Variants in GABRB1 observed in about 807,000 individuals in gnomAD.
GABRB1 encodes gamma-aminobutyric acid type A receptor subunit beta1.
GABRB1 carries 17 observed loss-of-function variants against 51.6 expected under a neutral mutation model. That is an observed-to-expected ratio of 0.33 (90% CI 0.23 to 0.49). The LOEUF (loss-of-function observed/expected upper bound fraction) is 0.49. GABRB1 is among the 20% of genes least tolerant of loss of function. The probability of loss-of-function intolerance (pLI) is 0.99; values close to 1 mark genes in which losing one functional copy is unlikely to be tolerated. For missense variants in GABRB1, 410 were observed against 600.6 expected, an observed-to-expected ratio of 0.68 and a Z score of 3.32; for synonymous variants, 247 against 218.9, an observed-to-expected ratio of 1.13 and a Z score of -1.14.
chr4:47,155,894 T>A, intron 3 of GABRB1, among the ~76,000 whole-genome samples: 1 of 137,102 alleles, frequency 7.3e-6, no homozygotes, highest in Admixed American at 7.8e-5. Context: ...AATCTTTTAC[T>A]CATACTAAAA....
intron 1 of GABRB1, among the ~76,000 whole-genome samples, chr4:47,023,214 G>A (rs1374597388): frequency 6.6e-6 from 1 of 151,918 alleles, no homozygotes; most frequent in Non-Finnish European, 1.5e-5. Flanking sequence ...GCTGGGATTC[G>A]TTAACGGATA....
At chr4:47,386,601 T>C (rs1727802442) in intron 5 of GABRB1, among the ~76,000 whole-genome samples, 1 of 152,172 alleles carries the variant, frequency 6.6e-6, no homozygotes, top group African/African-American at 2.4e-5. Context: ...GCAATATAGC[T>C]CCATTAGCAT....
At chr4:47,226,748 G>A (rs1720956013) in intron 4 of GABRB1, among the ~76,000 whole-genome samples, 1 of 152,078 alleles carries the variant, frequency 6.6e-6, no homozygotes, top group African/African-American at 2.4e-5. Context: ...TTTTCTGAGT[G>A]CCAGCAGTTG....
chr4:47,423,258 C>T (rs1476952023), intron 8 of GABRB1, among the ~76,000 whole-genome samples: 1 of 152,094 alleles, frequency 6.6e-6, no homozygotes, highest in Non-Finnish European at 1.5e-5. Flanking sequence ...TCTATATGTT[C>T]AGGTTTTCTG....
rs961417401 is a variant in GABRB1, at chr4:47,244,506, C to G, written c.462-75621C>G. On this transcript the variant is annotated intron_variant, in intron 4 of 8. Transcript: ENST00000295454. ...TGGTAGAATTCAGCTGTGAATCCAT[C>G]TGGTCCTGGACTTTTTTTGGTTGGT... Among the ~76,000 whole-genome samples, 23 of 152,292 alleles carry G rather than the reference C, an allele frequency of 1.5e-4. No homozygotes were observed. In the South Asian group the frequency reaches 2.1e-3, roughly 14 times the overall value.
intron 5 of GABRB1, among the ~76,000 whole-genome samples, chr4:47,335,219 C>T (rs1016380016): frequency 9.9e-5 from 15 of 152,032 alleles, no homozygotes; most frequent in Admixed American, 2.6e-4. Context: ...TCTGCAGTAA[C>T]GATAGGTTCT....
chr4:47,340,991 G>A (rs1181971469), intron 5 of GABRB1, among the ~76,000 whole-genome samples: 1 of 152,206 alleles, frequency 6.6e-6, no homozygotes, highest in Non-Finnish European at 1.5e-5. Flanking sequence ...ACACAGCCAG[G>A]GAGGATAACT....
rs559841474 is a variant in GABRB1 at position 47,101,152 on chromosome 4, CAT to C, written c.241-60096_241-60095del. On this transcript the variant is annotated intron_variant, in intron 3 of 8. Transcript: ENST00000295454. ...TTAGGACAGGGTCTGTCTGCACTCA[CAT>C]GTTTTCGAACTAGACTCCATGCCCA... 1.1e-4 allele frequency among the ~76,000 whole-genome samples: 16 copies of C among 152,166 alleles called. No homozygotes were observed. The South Asian group carries it at 3.3e-3, about 32-fold the overall frequency.
chr4:47,400,923 T>C (rs1336564595), intron 5 of GABRB1, among the ~76,000 whole-genome samples: 1 of 72,458 alleles, frequency 1.4e-5, no homozygotes, highest in Non-Finnish European at 3.3e-5. Flanking sequence ...GTTCTTCTCT[T>C]TTTTTTTTTT....
chr4:47,152,491 A>G (rs1049622182), intron 3 of GABRB1, among the ~76,000 whole-genome samples: 3 of 151,978 alleles, frequency 2.0e-5, no homozygotes, highest in Non-Finnish European at 4.4e-5. Flanking sequence ...CCTAGAATCC[A>G]ATTTCCCAGG....
intron 4 of GABRB1, among the ~76,000 whole-genome samples, chr4:47,289,723 G>A (rs1224095310): frequency 5.9e-5 from 9 of 152,140 alleles, no homozygotes; most frequent in Non-Finnish European, 1.5e-5. Context: ...TTACCTCCCT[G>A]TATGTATAGC....
At chr4:47,037,353 C>T (rs1011399226) in intron 3 of GABRB1, among the ~76,000 whole-genome samples, 1 of 152,052 alleles carries the variant, frequency 6.6e-6, no homozygotes, top group African/African-American at 2.4e-5. Context: ...TAGGTGAGTA[C>T]CACTTAAAAG....
At chr4:47,124,030 A>G (rs1379249484) in intron 3 of GABRB1, among the ~76,000 whole-genome samples, 4 of 137,364 alleles carry the variant, frequency 2.9e-5, no homozygotes, top group African/African-American at 1.1e-4. Context: ...TGGCATATAT[A>G]TACCTGAAAA....
At chr4:47,235,062 T>TTA (rs991882203) in intron 4 of GABRB1, among the ~76,000 whole-genome samples, 3 of 152,188 alleles carry the variant, frequency 2.0e-5, no homozygotes, top group Admixed American at 6.5e-5. Context: ...TGCTCCCCAC[T>TTA]TATACCCTTC....
chr4:47,318,838 A>G (rs1229854928), intron 4 of GABRB1, among the ~76,000 whole-genome samples: 1 of 152,160 alleles, frequency 6.6e-6, no homozygotes, highest in Non-Finnish European at 1.5e-5. Flanking sequence ...TCCTCCCCAT[A>G]AAGTGTAATC....
In GABRB1 at chr4:47,135,242, G is replaced by A. The variant is rs532666443; in HGVS notation, c.241-26007G>A. 1.6e-4 allele frequency among the ~76,000 whole-genome samples: 24 copies of A among 152,286 alleles called. 1 individual carries two copies. In the South Asian group the frequency reaches 4.6e-3, roughly 29 times the overall value. ...GAGATGCCAGTTTTGGGGAGAAGGT[G>A]TTGAGTTTCATTTTATTTTGGTAAG... On this transcript the variant is annotated intron_variant, in intron 3 of 8. Coordinates refer to ENST00000295454, the MANE Select transcript of GABRB1 (RefSeq NM_000812.4).
intron 3 of GABRB1, among the ~76,000 whole-genome samples, chr4:47,093,124 A>G (rs1023536698): frequency 6.6e-6 from 1 of 152,162 alleles, no homozygotes. Flanking sequence ...ATTTCCCTAA[A>G]AGATTCATGT....
rs971846194 is a variant in GABRB1 at position 47,333,187 on chromosome 4, A to G, written c.544+12978A>G. 9.0e-3 allele frequency among the ~76,000 whole-genome samples: 1,011 copies of G among 112,356 alleles called. 19 individuals carry two copies. Among genetic ancestry groups the G allele is most frequent in the African/African-American group, 0.032 (958 of 29,556 alleles). 73.7% of individuals were successfully genotyped at this position (112,356 alleles called of 152,430 possible). On this transcript the variant is annotated intron_variant, in intron 5 of 8. Coordinates refer to ENST00000295454, the MANE Select transcript of GABRB1 (RefSeq NM_000812.4). ...ATATATACATATATATTTAAAACCC[A>G]TTTTATTTATATATATATATATATA...
chr4:47,280,026 A>AT (rs543408311), intron 4 of GABRB1, among the ~76,000 whole-genome samples: 195 of 151,694 alleles, frequency 1.3e-3, no homozygotes, highest in African/African-American at 4.5e-3. Flanking sequence ...TACTATTGGC[A>AT]TTTTGTTAAT....
Sources: gnomAD v4.1 joint callset for allele counts (sites outside exome capture counted in the v4.1 genomes callset) on GRCh38, gnomAD v4.1.1 for gene constraint, MANE v1.5 for transcripts, NCBI Gene and HGNC (gene_info 2026-07-23, HGNC 2026-07-21) for gene names.